The following SCFD2 variants were observed in gnomAD, a reference collection of about 807,000 sequenced individuals.
The protein encoded by SCFD2 is sec1 family domain-containing protein 2.
In SCFD2, 54 loss-of-function variants were observed where a neutral mutation model predicts 58.9. That is an observed-to-expected ratio of 0.92 (90% CI 0.74 to 1.15). The LOEUF (loss-of-function observed/expected upper bound fraction) is 1.15. Ranked by LOEUF, SCFD2 falls within the 50% of genes most tolerant of loss-of-function variation. The pLI, the probability that SCFD2 is intolerant of heterozygous loss-of-function variation, is 0.00. For missense variants in SCFD2, 805 were observed against 836.6 expected, an observed-to-expected ratio of 0.96 and a Z score of 0.47; for synonymous variants, 321 against 335.9, an observed-to-expected ratio of 0.96 and a Z score of 0.49.
chr4:53,149,242 TG>T (rs1413215788), intron 4 of SCFD2, among the ~76,000 whole-genome samples: 1 of 152,100 alleles, frequency 6.6e-6, no homozygotes, highest in East Asian at 1.9e-4. Flanking sequence ...ATTCTAGGGA[TG>T]GGGAAAGGAA....
At chr4:52,878,170 A>G (rs575679429) in intron 8 of SCFD2, among the ~76,000 whole-genome samples, 2 of 152,084 alleles carry the variant, frequency 1.3e-5, no homozygotes, top group Non-Finnish European at 2.9e-5. Flanking sequence ...AACTTAACTG[A>G]GTCTTTTCAT....
intron 4 of SCFD2, among the ~76,000 whole-genome samples, chr4:53,177,962 C>G (rs1227369454): frequency 6.6e-6 from 1 of 152,166 alleles, no homozygotes; most frequent in Non-Finnish European, 1.5e-5. Context: ...GGGAGGGGCG[C>G]CCGCCATTTT....
chr4:52,998,691 G>T (rs770354931), intron 5 of SCFD2, among the ~76,000 whole-genome samples: 7 of 152,142 alleles, frequency 4.6e-5, no homozygotes, highest in South Asian at 4.1e-4. Context: ...ACCACAGCTG[G>T]CAAGAACGAC....
chr4:53,341,013 AC>A (rs1324756468), intron 2 of SCFD2, among the ~76,000 whole-genome samples: 1 of 152,202 alleles, frequency 6.6e-6, no homozygotes, highest in Non-Finnish European at 1.5e-5. Flanking sequence ...TGGGGAAAAA[AC>A]AGAGCAGAAA....
At chr4:53,290,313 G>A (rs1211372120) in intron 3 of SCFD2, among the ~76,000 whole-genome samples, 1 of 151,932 alleles carries the variant, frequency 6.6e-6, no homozygotes, top group Non-Finnish European at 1.5e-5. Context: ...ATCAGTAATA[G>A]GAGAAATATT....
intron 3 of SCFD2, among the ~76,000 whole-genome samples, chr4:53,298,794 C>T (rs570402908): frequency 6.6e-5 from 10 of 152,270 alleles, no homozygotes; most frequent in Admixed American, 2.6e-4. Context: ...CACCAATATC[C>T]GCTGTTCTGC....
intron 2 of SCFD2, among the ~76,000 whole-genome samples, chr4:53,335,934 A>G (rs569399743): frequency 3.9e-5 from 6 of 152,326 alleles, no homozygotes; most frequent in African/African-American, 1.2e-4. Context: ...TAAATTAAAA[A>G]TGCTCTGAGT....
At chr4:53,059,403 G>C (rs1342271212) in intron 5 of SCFD2, among the ~76,000 whole-genome samples, 1 of 152,088 alleles carries the variant, frequency 6.6e-6, no homozygotes, top group Non-Finnish European at 1.5e-5. Flanking sequence ...GATACTTTTA[G>C]CTCCATGTTA....
intron 4 of SCFD2, among the ~76,000 whole-genome samples, chr4:53,156,186 A>G (rs1159755470): frequency 2.0e-5 from 3 of 152,076 alleles, no homozygotes; most frequent in Non-Finnish European, 4.4e-5. Context: ...GTTCCAGACC[A>G]GCCTGGCCAA....
chr4:52,901,006 G>C (rs1719184142), intron 7 of SCFD2, among the ~76,000 whole-genome samples: 2 of 152,186 alleles, frequency 1.3e-5, no homozygotes, highest in South Asian at 4.1e-4. Context: ...ACAGTATTAG[G>C]GTGGGAGTGA....
chr4:52,907,583 A>G lies in SCFD2; in HGVS notation c.1716T>C (p.Tyr572=), dbSNP rs748450093. Residue 572 remains tyrosine (Y), a synonymous_variant, in exon 7 of 9, where the codon TAT becomes TAC. Coordinates refer to ENST00000401642, the MANE Select transcript of SCFD2 (RefSeq NM_152540.4). ...CCACAACTTGCTTCAACAATGGCTTATAAGATGCCTGGAAAGACAAAATAC... is the reference window on the plus strand; with the variant it reads ...CCACAACTTGCTTCAACAATGGCTTGTAAGATGCCTGGAAAGACAAAATAC... ...VPGNHTHQAS[Y]KPLLKQVVEE... is the part of the protein sequence containing the mutation. 6.2e-7 allele frequency: 1 copy of G among 1,614,082 alleles called. No homozygotes were observed. Among genetic ancestry groups the G allele is most frequent in the South Asian group, 1.1e-5 (1 of 91,076 alleles).
chr4:53,174,953 GT>G (rs34848764), intron 4 of SCFD2, among the ~76,000 whole-genome samples: 81,471 of 151,956 alleles, frequency 0.54, 23,599 homozygotes, highest in Admixed American at 0.67. Flanking sequence ...TGTTTTGCAT[GT>G]TTGTGACGGA....
intron 5 of SCFD2, among the ~76,000 whole-genome samples, chr4:53,131,275 A>G (rs965179277): frequency 6.6e-6 from 1 of 152,252 alleles, no homozygotes; most frequent in Non-Finnish European, 1.5e-5. Flanking sequence ...GCCTGGGATC[A>G]GTATGCAGGA....
intron 4 of SCFD2, among the ~76,000 whole-genome samples, chr4:53,243,279 C>T (rs1263698144): frequency 2.6e-5 from 4 of 152,074 alleles, no homozygotes; most frequent in Non-Finnish European, 1.5e-5. Flanking sequence ...ACAGCAGACC[C>T]CTCAGCAGAA....
At chr4:53,100,809 G>A (rs1421712223) in intron 5 of SCFD2, among the ~76,000 whole-genome samples, 7 of 152,082 alleles carry the variant, frequency 4.6e-5, no homozygotes, top group Non-Finnish European at 1.0e-4. Context: ...CTTTTTTAGT[G>A]AATGTAGGAT....
intron 5 of SCFD2, among the ~76,000 whole-genome samples, chr4:52,943,309 T>C (rs1160460806): frequency 1.3e-5 from 2 of 152,162 alleles, no homozygotes; most frequent in Admixed American, 1.3e-4. Context: ...GCTAGGTATA[T>C]GTTTTAGTTT....
intron 4 of SCFD2, among the ~76,000 whole-genome samples, chr4:53,195,800 G>C (rs1284382198): frequency 2.0e-5 from 3 of 152,116 alleles, no homozygotes; most frequent in Non-Finnish European, 1.5e-5. Flanking sequence ...TTAGGGCAAA[G>C]AAAAGTACAT....
chr4:53,075,429 C>T (rs1284697946), intron 5 of SCFD2, among the ~76,000 whole-genome samples: 4 of 152,152 alleles, frequency 2.6e-5, no homozygotes, highest in African/African-American at 9.7e-5. Context: ...CCTTCAAGAA[C>T]TTTTCTTTTG....
At chr4:52,978,731 C>T (rs1721307108) in intron 5 of SCFD2, among the ~76,000 whole-genome samples, 1 of 151,910 alleles carries the variant, frequency 6.6e-6, no homozygotes, top group Admixed American at 6.6e-5. Flanking sequence ...TGACATTGAT[C>T]TTAGGTAAAA....
Sources: gnomAD v4.1 joint callset for allele counts (sites outside exome capture counted in the v4.1 genomes callset) on GRCh38, gnomAD v4.1.1 for gene constraint, MANE v1.5 for transcripts, NCBI Gene and HGNC (gene_info 2026-07-23, HGNC 2026-07-21) for gene names.